The following SH3TC2 variants were observed in gnomAD, a reference collection of about 807,000 sequenced individuals.
SH3TC2 encodes SH3 domain and tetratricopeptide repeats 2, also known as SH3 domain and tetratricopeptide repeat-containing protein 2.
SH3TC2 carries 87 observed loss-of-function variants against 124.5 expected under a neutral mutation model. The observed-to-expected ratio is 0.70, with a 90% CI of 0.59 to 0.84. The LOEUF (loss-of-function observed/expected upper bound fraction) is 0.84, where lower values mean the gene tolerates loss of function less well. Ranked by LOEUF, SH3TC2 falls within the 40% of genes least tolerant of loss-of-function variation. SH3TC2 has a pLI of 0.00. For missense variants in SH3TC2, 1,536 were observed against 1,566.4 expected (o/e 0.98, Z 0.33); for synonymous variants, 634 against 628.5 (o/e 1.01, Z -0.13).
chr5:149,036,293 A>C (rs6861404), intron 8 of SH3TC2, among the ~76,000 whole-genome samples: 80,410 of 151,910 alleles, frequency 0.53, 22,566 homozygotes, highest in African/African-American at 0.71. Context: ...CAGAAGACCT[A>C]CCAATGGCCA....
Position 148,990,754 on chromosome 5 carries a change from T to C in SH3TC2, c.*13957A>G, listed in dbSNP as rs1753408064. Among the ~76,000 whole-genome samples, 2 of 152,244 alleles carry C rather than the reference T, an allele frequency of 1.3e-5. No individual in the cohort carries two copies. The highest frequency in any genetic ancestry group is 2.4e-5 in the African/African-American group (1 of 41,460). ...AAATGCTCAGTAAACATTAGCTGTG[T>C]TATTTATTATAGAGTATACAGGATA... On this transcript the variant is annotated 3_prime_UTR_variant, in exon 17 of 17. Transcript: ENST00000515425.
At position 149,029,209 on chromosome 5, in the gene SH3TC2, A is replaced by G. The variant is rs181452411; in HGVS notation, c.1136-491T>C. Reference sequence around the variant, plus strand: ...TCCTTCTTGCCTCCTCCATTCATTCATGATTCATCCACTTGGCAGACATTG... The same window carrying G: ...TCCTTCTTGCCTCCTCCATTCATTCGTGATTCATCCACTTGGCAGACATTG... On this transcript the variant is annotated intron_variant, in intron 9 of 16. Coordinates refer to ENST00000515425, the MANE Select transcript of SH3TC2 (RefSeq NM_024577.4). Among the ~76,000 whole-genome samples the G allele has an allele frequency of 5.3e-5, 8 of 152,304 alleles. No individual in the cohort carries two copies. The East Asian group carries it at 1.5e-3, about 29-fold the overall frequency.
At position 149,026,738 on chromosome 5, in the gene SH3TC2, T is replaced by C. The variant is rs1266582073; in HGVS notation, c.2887A>G (p.Thr963Ala). The change falls in exon 12 of 17, where the codon ACC becomes GCC. Residue 963 changes from threonine (T) to alanine (A), a missense_variant. Coordinates refer to ENST00000515425, the MANE Select transcript of SH3TC2 (RefSeq NM_024577.4). ...HRHLKSQLQATKSLCHFYSSV... is the reference protein window; with the variant it reads ...HRHLKSQLQAAKSLCHFYSSV... The stretch of plus-strand genomic sequence containing the variant: ...CTGTAGAAATGGCAGAGGGATTTGG[T>C]GGCCTGAAGCTGACCTGAACACAAA... 1 of 1,614,162 alleles carries C rather than the reference T, an allele frequency of 6.2e-7. No homozygotes were observed. Among genetic ancestry groups the C allele is most frequent in the Non-Finnish European group, 8.5e-7 (1 of 1,180,026 alleles).
intron 8 of SH3TC2, among the ~76,000 whole-genome samples, chr5:149,035,037 T>A (rs1754259616): frequency 6.6e-6 from 1 of 152,126 alleles, no homozygotes; most frequent in Non-Finnish European, 1.5e-5. Context: ...CTAAAATAGA[T>A]ACTCTATGAA....
chr5:149,010,961 C>G (rs1324545519), intron 13 of SH3TC2, among the ~76,000 whole-genome samples: 2 of 152,222 alleles, frequency 1.3e-5, no homozygotes, highest in Non-Finnish European at 2.9e-5. Context: ...TGCCAATAGT[C>G]AGTGGCAAAC....
rs1248640828 is a variant in SH3TC2, at chr5:148,983,803, C to T, written c.*20908G>A. Among the ~76,000 whole-genome samples the T allele has an allele frequency of 6.6e-6, 1 of 152,084 alleles. No individual in the cohort carries two copies. The highest frequency in any genetic ancestry group is 1.5e-5 in the Non-Finnish European group (1 of 67,998). ...GAATAAGACACTCTTTTTTCTGTTC[C>T]AGTCAAACACAGGGGAGAGGGAAGA... is the stretch of plus-strand genomic sequence containing the variant. On this transcript the variant is annotated 3_prime_UTR_variant, in exon 17 of 17. Coordinates refer to ENST00000515425, the MANE Select transcript of SH3TC2 (RefSeq NM_024577.4).
chr5:149,055,021 C>T (rs913501488), intron 1 of SH3TC2, among the ~76,000 whole-genome samples: 2 of 151,864 alleles, frequency 1.3e-5, no homozygotes, highest in African/African-American at 4.8e-5. Flanking sequence ...CTGTCTGTAT[C>T]AGAATTTTTT....
Position 149,028,183 on chromosome 5 carries a change from A to G in SH3TC2, c.1549T>C (p.Trp517Arg). Reference sequence around the variant, plus strand: ...CAGGTCATGTGGCTCTTCTTGGCCCACTTTCTTGATGCCTCCAGGTAGGCC... The same window carrying G: ...CAGGTCATGTGGCTCTTCTTGGCCCGCTTTCTTGATGCCTCCAGGTAGGCC... ...FVAYLEASRK[W>R]AKKSHMTWAH... The change falls in exon 11 of 17, where the codon TGG becomes CGG. Residue 517 changes from tryptophan (W) to arginine (R), a missense_variant. Physicochemically the swap from Trp to Arg is moderately radical, Grantham distance 101. This residue lies in a region of SH3TC2 where 1,102 missense variants were observed against 1,098.6 expected (regional missense o/e 1.00). Transcript: ENST00000515425. 2 of 1,614,098 alleles carry G rather than the reference A, an allele frequency of 1.2e-6. No homozygotes were observed. Among genetic ancestry groups the G allele is most frequent in the Non-Finnish European group, 1.7e-6 (2 of 1,180,030 alleles).
chr5:149,026,887 A>G lies in SH3TC2; in HGVS notation c.2845T>C (p.Phe949Leu). ...TTTAGATGTCGATGCCTTAAGCCAAACAGCAATGCCATTTCATAACAAAGA... is the reference window on the plus strand; with the variant it reads ...TTTAGATGTCGATGCCTTAAGCCAAGCAGCAATGCCATTTCATAACAAAGA... ...GLLCYEMALL[F>L]GLRHRHLKSQ... Residue 949 changes from phenylalanine (F) to leucine (L), a missense_variant, in exon 11 of 17, where the codon TTT becomes CTT. Physicochemically the swap from Phe to Leu is conservative, Grantham distance 22. Transcript: ENST00000515425. 6.2e-7 allele frequency: 1 copy of G among 1,614,174 alleles called. No homozygotes were observed. Among genetic ancestry groups the G allele is most frequent in the South Asian group, 1.1e-5 (1 of 91,084 alleles).
chr5:149,041,110 C>A (rs1754363816), intron 6 of SH3TC2, among the ~76,000 whole-genome samples: 1 of 152,190 alleles, frequency 6.6e-6, no homozygotes, highest in Admixed American at 6.5e-5. Flanking sequence ...CCAAGAAAGT[C>A]TAAGGAGGCC....
At position 149,001,522 on chromosome 5, in the gene SH3TC2, T is replaced by A. The variant is rs1463206443; in HGVS notation, c.*3189A>T. ...AGACCAAATCCAATCACCACTTTAC[T>A]CTCTGTGGATCATGAAAAAAAGACA... On this transcript the variant is annotated 3_prime_UTR_variant, in exon 17 of 17. Transcript: ENST00000515425. 1 of 152,094 alleles carries A rather than the reference T, an allele frequency of 6.6e-6. No homozygotes were observed. The highest frequency in any genetic ancestry group is 1.5e-5 in the Non-Finnish European group (1 of 68,020). The allele number at this position is 152,094 out of a possible 1,614,324, so 9.4% of individuals were successfully genotyped here.
At chr5:149,030,232 A>T (rs1261077924) in intron 9 of SH3TC2, among the ~76,000 whole-genome samples, 1 of 152,200 alleles carries the variant, frequency 6.6e-6, no homozygotes, top group Non-Finnish European at 1.5e-5. Context: ...GAAGAATTAC[A>T]AAGGGCCATC....
At position 148,988,654 on chromosome 5, in the gene SH3TC2, C is replaced by T. The variant is rs770186542; in HGVS notation, c.*16057G>A. 6.6e-6 allele frequency among the ~76,000 whole-genome samples: 1 copy of T among 152,198 alleles called. No individual in the cohort carries two copies. Among genetic ancestry groups the T allele is most frequent in the African/African-American group, 2.4e-5 (1 of 41,448 alleles). ...GTTAGCCCCGTGAGGAAGCCATCTT[C>T]GATGCCCAGCCCAGAGGAGCCTTTG... On this transcript the variant is annotated 3_prime_UTR_variant, in exon 17 of 17. Transcript: ENST00000515425.
intron 13 of SH3TC2, 70 bp downstream of exon 13, chr5:149,012,514 T>C (rs1441027670): frequency 1.3e-6 from 2 of 1,592,312 alleles, no homozygotes; most frequent in Non-Finnish European, 1.7e-6. Context: ...CCTGGTTGAT[T>C]TGGAGGGTAC....
In SH3TC2 at chr5:149,000,740, C is replaced by T. The variant is rs1297908500; in HGVS notation, c.*3971G>A. Among the ~76,000 whole-genome samples, 1 of 152,118 alleles carries T rather than the reference C, an allele frequency of 6.6e-6. No homozygotes were observed. Among genetic ancestry groups the T allele is most frequent in the Admixed American group, 6.5e-5 (1 of 15,270 alleles). ...CAACTAAGTCCTTGAGTCATGAGAC[C>T]CCCGCCTCAAGTACCACTGTCTTTG... On this transcript the variant is annotated 3_prime_UTR_variant, in exon 17 of 17. Transcript: ENST00000515425.
rs953599934 is a variant in SH3TC2 at position 148,995,941 on chromosome 5, A to G, written c.*8770T>C. Among the ~76,000 whole-genome samples the G allele has an allele frequency of 2.0e-5, 3 of 152,072 alleles. No individual in the cohort carries two copies. Among genetic ancestry groups the G allele is most frequent in the African/African-American group, 7.2e-5 (3 of 41,410 alleles). On this transcript the variant is annotated 3_prime_UTR_variant, in exon 17 of 17. Coordinates refer to ENST00000515425, the MANE Select transcript of SH3TC2 (RefSeq NM_024577.4). ...GGGAGATGCTAAGGACATGAGGAAAAAGAAAAAAGAGACCAACTGGCCGGG... is the reference window on the plus strand; with the variant it reads ...GGGAGATGCTAAGGACATGAGGAAAGAGAAAAAAGAGACCAACTGGCCGGG...
intron 8 of SH3TC2, chr5:149,035,562 T>G (rs2127399406): frequency 6.5e-6 from 1 of 152,676 alleles, no homozygotes; most frequent in South Asian, 2.1e-4. Context: ...AACCCATCCC[T>G]CTGTTGCTGT....
At chr5:149,058,190 T>C (rs1168288335) in intron 1 of SH3TC2, among the ~76,000 whole-genome samples, 1 of 152,246 alleles carries the variant, frequency 6.6e-6, no homozygotes, top group Non-Finnish European at 1.5e-5. Flanking sequence ...AAGCTAGTTT[T>C]ATTTTTATTA....
rs1043467092 is a variant in SH3TC2, at chr5:149,003,025, T to G, written c.*1686A>C. ...TCATAGGTGGGGCCACAGATTTTCA[T>G]TTCAAACAATCTCACAGGTGATGCT... On this transcript the variant is annotated 3_prime_UTR_variant, in exon 17 of 17. Coordinates refer to ENST00000515425, the MANE Select transcript of SH3TC2 (RefSeq NM_024577.4). 1 of 152,768 alleles carries G rather than the reference T, an allele frequency of 6.5e-6. No individual in the cohort carries two copies. The highest frequency in any genetic ancestry group is 1.9e-4 in the East Asian group (1 of 5,202). The allele number at this position is 152,768 out of a possible 1,614,324, so 9.5% of individuals were successfully genotyped here.
Sources: gnomAD v4.1 joint callset for allele counts (sites outside exome capture counted in the v4.1 genomes callset) on GRCh38, gnomAD v4.1.1 for gene constraint, gnomAD v4.1.1 regional missense constraint, MANE v1.5 for transcripts, NCBI Gene and HGNC (gene_info 2026-07-23, HGNC 2026-07-21) for gene names.